The following SLC22A23 variants were observed in gnomAD, a reference collection of about 807,000 sequenced individuals.
SLC22A23 encodes ion transporter protein.
A neutral mutation model predicts 61.0 loss-of-function variants in SLC22A23; 26 were observed. That is an observed-to-expected ratio of 0.43 (90% CI 0.31 to 0.59). The LOEUF (loss-of-function observed/expected upper bound fraction) is 0.59. SLC22A23 is among the 20% of genes least tolerant of loss of function. SLC22A23 has a pLI of 0.11. For synonymous variants in SLC22A23, 430 were observed against 413.9 expected (o/e 1.04, Z -0.47); for missense variants, 796 against 934.7 (o/e 0.85, Z 1.94).
At chr6:3,354,566 C>A (rs1244158046) in intron 3 of SLC22A23, among the ~76,000 whole-genome samples, 3 of 152,206 alleles carry the variant, frequency 2.0e-5, no homozygotes, top group African/African-American at 7.2e-5. Context: ...CAGCATCCAG[C>A]AGGCACTCAA....
chr6:3,361,901 C>A (rs563765552), intron 3 of SLC22A23, among the ~76,000 whole-genome samples: 6 of 152,158 alleles, frequency 3.9e-5, no homozygotes. Flanking sequence ...GAGGGATTTA[C>A]AATCAGGCAT....
chr6:3,436,477 T>A (rs556127376), intron 1 of SLC22A23, among the ~76,000 whole-genome samples: 5 of 152,216 alleles, frequency 3.3e-5, no homozygotes, highest in Non-Finnish European at 7.3e-5. Context: ...CAGGGTTTTC[T>A]GCTACTTGCA....
At chr6:3,303,291 T>C (rs1462599900) in intron 4 of SLC22A23, 3 of 152,168 alleles carry the variant, frequency 2.0e-5, no homozygotes, top group Non-Finnish European at 4.4e-5. Context: ...TGGAGAACAG[T>C]ACAGAGGTTC....
intron 3 of SLC22A23, among the ~76,000 whole-genome samples, chr6:3,379,585 G>A (rs148828565): frequency 8.5e-5 from 13 of 152,236 alleles, no homozygotes; most frequent in East Asian, 7.7e-4. Context: ...GTTTAGCTTA[G>A]GTGAAAGAGA....
intron 3 of SLC22A23, among the ~76,000 whole-genome samples, chr6:3,384,368 T>C (rs1046704426): frequency 6.6e-6 from 1 of 152,224 alleles, no homozygotes; most frequent in African/African-American, 2.4e-5. Context: ...CCTTTAAAAG[T>C]ATAGATAAGT....
chr6:3,396,592 G>T (rs1323913165), intron 3 of SLC22A23, among the ~76,000 whole-genome samples: 2 of 152,118 alleles, frequency 1.3e-5, no homozygotes, highest in Non-Finnish European at 2.9e-5. Context: ...GACCCTAGCA[G>T]GGAGGCACAC....
chr6:3,378,095 A>C (rs1198610034), intron 3 of SLC22A23: 1 of 152,242 alleles, frequency 6.6e-6, no homozygotes, highest in Non-Finnish European at 1.5e-5. Context: ...ATACCTAAGA[A>C]TACCTAGGGC....
Position 3,269,939 on chromosome 6 carries a change from A to G in SLC22A23, c.*3116T>C, listed in dbSNP as rs1363887061. ...TGTTTTCTTTCTGTTCTGTAGCCAA[A>G]CCAATTTACCAGCCCGTCTTCCAGA... On this transcript the variant is annotated 3_prime_UTR_variant, in exon 10 of 10. Coordinates refer to ENST00000406686, the MANE Select transcript of SLC22A23 (RefSeq NM_015482.2). The G allele has an allele frequency of 2.0e-5, 3 of 152,860 alleles. No homozygotes were observed. The highest frequency in any genetic ancestry group is 7.2e-5 in the African/African-American group (3 of 41,548). 9.5% of individuals were successfully genotyped at this position (152,860 alleles called of 1,614,324 possible). A position where few individuals can be genotyped will look rare whatever the true frequency, so the allele number is the denominator to read the frequency against.
intron 3 of SLC22A23, among the ~76,000 whole-genome samples, chr6:3,409,614 C>A (rs979431085): frequency 1.3e-5 from 2 of 152,152 alleles, no homozygotes; most frequent in African/African-American, 4.8e-5. Flanking sequence ...CTAGCAAACA[C>A]CACCTACAAA....
At chr6:3,450,747 TGATTA>T (rs1772123337) in intron 1 of SLC22A23, among the ~76,000 whole-genome samples, 2 of 152,232 alleles carry the variant, frequency 1.3e-5, no homozygotes, top group Non-Finnish European at 2.9e-5. Flanking sequence ...ATAAACACTT[TGATTA>T]GAACTGTGAA....
chr6:3,273,188 G>A lies in SLC22A23; in HGVS notation c.1928C>T (p.Pro643Leu), dbSNP rs748357649. 3.7e-6 allele frequency: 6 copies of A among 1,613,080 alleles called. No individual in the cohort carries two copies. Among genetic ancestry groups the A allele is most frequent in the East Asian group, 2.2e-5 (1 of 44,862 alleles). Residue 643 changes from proline (P) to leucine (L), a missense_variant, in exon 10 of 10, where the codon CCG becomes CTG. Physicochemically the swap from Pro to Leu is moderately conservative, Grantham distance 98 (BLOSUM62 -3). Transcript: ENST00000406686. ...CAGTGGCTGCTCCCCCTTCTTGTGC[G>A]GCAGCAGCGGCTGGCGCGTGTAGTG... ...GEHYTRQPLL[P>L]HKKGEQPLLL...
chr6:3,446,200 C>A (rs1158426783), intron 1 of SLC22A23, among the ~76,000 whole-genome samples: 4 of 152,166 alleles, frequency 2.6e-5, no homozygotes, highest in African/African-American at 9.7e-5. Context: ...GGAGCCCCTG[C>A]CAGCCCTTCC....
At chr6:3,368,966 T>A (rs934131768) in intron 3 of SLC22A23, among the ~76,000 whole-genome samples, 1 of 152,110 alleles carries the variant, frequency 6.6e-6, no homozygotes, top group African/African-American at 2.4e-5. Context: ...CTCAGAGTGA[T>A]GAGCTAATTA....
At chr6:3,364,966 G>T (rs991623737) in intron 3 of SLC22A23, among the ~76,000 whole-genome samples, 36 of 152,272 alleles carry the variant, frequency 2.4e-4, no homozygotes, top group Middle Eastern at 3.4e-3. Flanking sequence ...GAGCCAAGGG[G>T]ACATTAAAGG....
Position 3,387,468 on chromosome 6 carries a change from G to A in SLC22A23, c.913+22720C>T, listed in dbSNP as rs1396943264. Among the ~76,000 whole-genome samples the A allele has an allele frequency of 6.6e-6, 1 of 152,238 alleles. No individual in the cohort carries two copies. Among genetic ancestry groups the A allele is most frequent in the African/African-American group, 2.4e-5 (1 of 41,466 alleles). The stretch of plus-strand genomic sequence containing the variant: ...GAACTGTCACAGATCAGAGGCGACT[G>A]TGGAGACACAGCTACATTTAATAGA... On this transcript the variant is annotated intron_variant, in intron 3 of 9. Transcript: ENST00000406686. This position sits in a 1 kb window ranked among gnomAD's most constrained non-coding sequence, Gnocchi z 5.0.
Position 3,327,609 on chromosome 6 carries a change from C to A in SLC22A23, c.914-3607G>T, listed in dbSNP as rs1012467047. On this transcript the variant is annotated intron_variant, in intron 3 of 9. Coordinates refer to ENST00000406686, the MANE Select transcript of SLC22A23 (RefSeq NM_015482.2). The surrounding 1 kb of genome is among the most constrained non-coding windows in gnomAD (Gnocchi z 4.1). ...ATAGAAGCTGTGACCTTGGTTCAGT[C>A]AGTTAGGAGTTCTGTGCCTCAGTTT... 8.5e-5 allele frequency among the ~76,000 whole-genome samples: 13 copies of A among 152,158 alleles called. No individual in the cohort carries two copies. Among genetic ancestry groups the A allele is most frequent in the African/African-American group, 3.1e-4 (13 of 41,434 alleles).
In SLC22A23 at chr6:3,310,239, C is replaced by T. The variant is rs951588935; in HGVS notation, c.1083-12021G>A. Among the ~76,000 whole-genome samples, 117 of 145,716 alleles carry T rather than the reference C, an allele frequency of 8.0e-4. 1 individual carries two copies. Among genetic ancestry groups the T allele is most frequent in the African/African-American group, 2.5e-3 (90 of 36,020 alleles). On this transcript the variant is annotated intron_variant, in intron 4 of 9. Transcript: ENST00000406686. ...AGCACCCTGTCTCCCACTGGAGCAC[C>T]CTGTCTCCCAGGGAGCACCCTGTCT...
At chr6:3,351,311 G>A (rs558153338) in intron 3 of SLC22A23, among the ~76,000 whole-genome samples, 5 of 152,290 alleles carry the variant, frequency 3.3e-5, no homozygotes, top group South Asian at 4.1e-4. Flanking sequence ...ATCGGAGTGC[G>A]GTGGAAAATG....
chr6:3,427,511 G>A lies in SLC22A23; in HGVS notation c.655-11656C>T, dbSNP rs73720892. 0.033 allele frequency among the ~76,000 whole-genome samples: 5,049 copies of A among 152,120 alleles called. 296 individuals carry two copies. Among genetic ancestry groups the A allele is most frequent in the African/African-American group, 0.12 (4,771 of 41,466 alleles). On this transcript the variant is annotated intron_variant, in intron 1 of 9. Coordinates refer to ENST00000406686, the MANE Select transcript of SLC22A23 (RefSeq NM_015482.2). The surrounding 1 kb of genome is among the most constrained non-coding windows in gnomAD (Gnocchi z 4.3). ...AGTGGGCCAGACGAGGATGGAAGAC[G>A]CCCTCCAGGGAGCAGCTGTGTTCAT...
Sources: allele counts gnomAD v4.1 joint callset (sites outside exome capture counted in the v4.1 genomes callset), GRCh38; gene constraint gnomAD v4.1.1; non-coding constraint Gnocchi (gnomAD v3.1); transcripts MANE v1.5; gene names NCBI Gene and HGNC (gene_info 2026-07-23, HGNC 2026-07-21).